Variants in HOMER1 observed in about 807,000 individuals in gnomAD.
HOMER1 encodes homer protein homolog 1.
In HOMER1, 3 loss-of-function variants were observed where a neutral mutation model predicts 48.9. The observed-to-expected ratio is 0.06, with a 90% CI of 0.03 to 0.16. The LOEUF (loss-of-function observed/expected upper bound fraction) is 0.16. HOMER1 is among the 10% of genes least tolerant of loss of function. The probability of loss-of-function intolerance (pLI) is 1.00; values close to 1 mark genes in which losing one functional copy is unlikely to be tolerated. For synonymous variants in HOMER1, 134 were observed against 146.4 expected, an observed-to-expected ratio of 0.92 and a Z score of 0.61; for missense variants, 247 against 411.4, an observed-to-expected ratio of 0.60 and a Z score of 3.46.
At chr5:79,376,886 C>T (rs1748785473) in intron 8 of HOMER1, among the ~76,000 whole-genome samples, 1 of 152,136 alleles carries the variant, frequency 6.6e-6, no homozygotes, top group South Asian at 2.1e-4. Flanking sequence ...AAAAAAAACA[C>T]TAAATGATTT....
chr5:79,460,872 A>G, intron 1 of HOMER1, among the ~76,000 whole-genome samples: 1 of 152,352 alleles, frequency 6.6e-6, no homozygotes, highest in East Asian at 1.9e-4. Context: ...AAGGAATCTG[A>G]GTCTCCTGGG....
intron 1 of HOMER1, chr5:79,510,696 G>A: frequency 3.4e-6 from 3 of 872,494 alleles, no homozygotes; most frequent in Non-Finnish European, 5.7e-6. Flanking sequence ...ATCCCAAAGG[G>A]TGTCAGCCGC....
intron 1 of HOMER1, among the ~76,000 whole-genome samples, chr5:79,467,391 CAAAAAAAAA>C (rs71767032): frequency 3.9e-4 from 20 of 51,646 alleles, no homozygotes; most frequent in East Asian, 2.2e-3. Flanking sequence ...AACTCCATCT[CAAAAAAAAA>C]AAAAAAAAAA....
chr5:79,424,014 T>C (rs150324050), intron 5 of HOMER1, among the ~76,000 whole-genome samples: 8 of 152,178 alleles, frequency 5.3e-5, no homozygotes, highest in African/African-American at 1.9e-4. Context: ...TTTTATTAGG[T>C]TCAGAACACA....
At chr5:79,429,258 AG>A (rs1271770922) in intron 5 of HOMER1, among the ~76,000 whole-genome samples, 8 of 152,108 alleles carry the variant, frequency 5.3e-5, no homozygotes, top group Non-Finnish European at 1.2e-4. Context: ...CGGGAGGCTG[AG>A]ACATGAGAAT....
intron 1 of HOMER1, among the ~76,000 whole-genome samples, chr5:79,509,254 G>A (rs996970336): frequency 1.3e-5 from 2 of 152,182 alleles, no homozygotes; most frequent in African/African-American, 4.8e-5. Context: ...ATCAGAAACA[G>A]CATTAACAGA....
At chr5:79,452,686 TA>T (rs963633373) in intron 2 of HOMER1, among the ~76,000 whole-genome samples, 11 of 148,344 alleles carry the variant, frequency 7.4e-5, no homozygotes, top group Middle Eastern at 3.5e-3. Flanking sequence ...CCTGTCCTAC[TA>T]AAAAAAAAAC....
chr5:79,391,751 A>G (rs1410657329), intron 8 of HOMER1, among the ~76,000 whole-genome samples: 4 of 151,962 alleles, frequency 2.6e-5, no homozygotes, highest in Non-Finnish European at 5.9e-5. Context: ...TCAAAAAAAA[A>G]AAAGAAAAGA....
At chr5:79,389,757 T>C (rs569158319) in intron 8 of HOMER1, among the ~76,000 whole-genome samples, 368 of 152,290 alleles carry the variant, frequency 2.4e-3, no homozygotes, top group African/African-American at 8.3e-3. Context: ...ATTACCCAGA[T>C]TGTAGTTTTC....
At chr5:79,391,134 T>TTG (rs1464392197) in intron 8 of HOMER1, among the ~76,000 whole-genome samples, 1 of 108,046 alleles carries the variant, frequency 9.3e-6, no homozygotes, top group African/African-American at 6.0e-5. Context: ...TTTGTGGGTT[T>TTG]TTTTTTTGTT....
chr5:79,488,885 A>G (rs1448565265), intron 1 of HOMER1, among the ~76,000 whole-genome samples: 1 of 152,244 alleles, frequency 6.6e-6, no homozygotes, highest in Non-Finnish European at 1.5e-5. Flanking sequence ...GGATGGAGCC[A>G]GAATTCAAAC....
At position 79,498,354 on chromosome 5, in the gene HOMER1, C is replaced by T. The variant is rs866285782; in HGVS notation, c.5+14416G>A. On this transcript the variant is annotated intron_variant, in intron 1 of 8. Coordinates refer to ENST00000334082, the MANE Select transcript of HOMER1 (RefSeq NM_004272.5). The stretch of plus-strand genomic sequence containing the variant: ...GAGGTTGCAGTGAGCTGAGATTGCA[C>T]CATTGCACTCCAGCCTGGGCAACAA... Among the ~76,000 whole-genome samples, 3 of 152,300 alleles carry T rather than the reference C, an allele frequency of 2.0e-5. No homozygotes were observed. In the South Asian group the frequency reaches 6.2e-4, roughly 32 times the overall value.
Position 79,513,737 on chromosome 5 carries a change from A to T in HOMER1, c.-963T>A, listed in dbSNP as rs1753013464. On this transcript the variant is annotated 5_prime_UTR_variant, in exon 1 of 9. Coordinates refer to ENST00000334082, the MANE Select transcript of HOMER1 (RefSeq NM_004272.5). ...TCACAGAGCCAAGCCCCACGCTTCC[A>T]CTGGCACCCTGCCCCCAGCTCCAGG... is the stretch of plus-strand genomic sequence containing the variant. 6.5e-6 allele frequency: 1 copy of T among 152,686 alleles called. No homozygotes were observed. Among genetic ancestry groups the T allele is most frequent in the African/African-American group, 2.4e-5 (1 of 41,588 alleles). The allele number at this position is 152,686 out of a possible 1,614,324, so 9.5% of individuals were successfully genotyped here. A position where few individuals can be genotyped will look rare whatever the true frequency, so the allele number is the denominator to read the frequency against.
chr5:79,427,892 G>GA (rs1253052901), intron 5 of HOMER1, among the ~76,000 whole-genome samples: 1 of 149,480 alleles, frequency 6.7e-6, no homozygotes, highest in South Asian at 2.1e-4. Context: ...CAAATTAAAG[G>GA]AAAAAAATCA....
intron 1 of HOMER1, among the ~76,000 whole-genome samples, chr5:79,474,206 A>ATTTTTTTTTTT (rs1009644672): frequency 1.0e-5 from 1 of 98,724 alleles, no homozygotes; most frequent in African/African-American, 4.7e-5. Context: ...CCCAACCAAA[A>ATTTTTTTTTTT]TTTTTTTTTT....
Position 79,512,807 on chromosome 5 carries a change from G to A in HOMER1, c.-33C>T. 1 of 1,610,914 alleles carries A rather than the reference G, an allele frequency of 6.2e-7. No individual in the cohort carries two copies. The highest frequency in any genetic ancestry group is 1.7e-4 in the Middle Eastern group (1 of 6,054). On this transcript the variant is annotated 5_prime_UTR_variant, in exon 1 of 9. Coordinates refer to ENST00000334082, the MANE Select transcript of HOMER1 (RefSeq NM_004272.5). ...AATGAAAACTTGCTCTGAAGTTTCA[G>A]CTCTTATGCTACGGAATAACTTCCA...
chr5:79,392,230 G>A (rs2112207351), intron 8 of HOMER1, among the ~76,000 whole-genome samples: 1 of 152,140 alleles, frequency 6.6e-6, no homozygotes, highest in East Asian at 1.9e-4. Flanking sequence ...TTAATTATCT[G>A]ACAGCCCCAG....
intron 1 of HOMER1, among the ~76,000 whole-genome samples, chr5:79,475,397 C>G (rs972957239): frequency 7.0e-6 from 1 of 143,538 alleles, no homozygotes; most frequent in Non-Finnish European, 1.5e-5. Context: ...GCAAGGTGTT[C>G]AATAAATGCT....
intron 1 of HOMER1, among the ~76,000 whole-genome samples, chr5:79,492,515 C>T (rs1244762189): frequency 2.6e-5 from 4 of 151,896 alleles, no homozygotes; most frequent in Non-Finnish European, 5.9e-5. Context: ...AAAAACCCAC[C>T]GTATTAAAGA....
Sources: allele counts gnomAD v4.1 joint callset (sites outside exome capture counted in the v4.1 genomes callset), GRCh38; gene constraint gnomAD v4.1.1; transcripts MANE v1.5; gene names NCBI Gene and HGNC (gene_info 2026-07-23, HGNC 2026-07-21).